Variants in AMBRA1 observed in about 807,000 individuals in gnomAD.
The protein encoded by AMBRA1 is autophagy and beclin 1 regulator 1.
AMBRA1 carries 47 observed loss-of-function variants against 125.4 expected under a neutral mutation model. That is an observed-to-expected ratio of 0.37 (90% CI 0.30 to 0.48). The LOEUF is 0.48. Ranked by LOEUF, AMBRA1 falls within the 20% of genes least tolerant of loss-of-function variation. AMBRA1 has a pLI of 0.99. For synonymous variants in AMBRA1, 626 were observed against 655.5 expected (o/e 0.95, Z 0.69); for missense variants, 1,331 against 1,693.4 (o/e 0.79, Z 3.76).
Position 46,396,734 on chromosome 11 carries a change from G to A in AMBRA1, c.*716C>T, listed in dbSNP as rs946998899. Reference sequence around the variant, plus strand: ...CTGACACCCACAGGCGCTGCTCTGAGGGCCTTGCGGGGAGAAGACTGGTGG... The same window carrying A: ...CTGACACCCACAGGCGCTGCTCTGAAGGCCTTGCGGGGAGAAGACTGGTGG... On this transcript the variant is annotated 3_prime_UTR_variant, in exon 18 of 18. Coordinates refer to ENST00000683756, the MANE Select transcript of AMBRA1 (RefSeq NM_001387011.1). 3 of 152,686 alleles carry A rather than the reference G, an allele frequency of 2.0e-5. No homozygotes were observed. Among genetic ancestry groups the A allele is most frequent in the African/African-American group, 7.2e-5 (3 of 41,442 alleles). 9.5% of individuals were successfully genotyped at this position (152,686 alleles called of 1,614,324 possible). A position where few individuals can be genotyped will look rare whatever the true frequency, so the allele number is the denominator to read the frequency against.
At position 46,543,008 on chromosome 11, in the gene AMBRA1, T is replaced by G; in HGVS notation, c.1009A>C (p.Thr337Pro). Residue 337 changes from threonine (T) to proline (P), a missense_variant, in exon 7 of 18, where the codon ACT (threonine) becomes CCT (proline). By Grantham distance (38) the Thr-to-Pro change is conservative. Coordinates refer to ENST00000683756, the MANE Select transcript of AMBRA1 (RefSeq NM_001387011.1). ...DSVPPASARA[T>P]TPSFSFVQTE... The stretch of plus-strand genomic sequence containing the variant: ...TGTACAAAAGAAAAGGAAGGGGTAG[T>G]AGCTCTGGCAGAAGCAGGGGGGACA... 6.2e-7 allele frequency: 1 copy of G among 1,600,090 alleles called. No homozygotes were observed. Among genetic ancestry groups the G allele is most frequent in the Middle Eastern group, 1.7e-4 (1 of 6,058 alleles).
chr11:46,477,934 GA>G, intron 11 of AMBRA1, among the ~76,000 whole-genome samples: 1 of 151,510 alleles, frequency 6.6e-6, no homozygotes, highest in East Asian at 1.9e-4. Flanking sequence ...AAATTAGCCA[GA>G]GCTAATTTTT....
intron 1 of AMBRA1, among the ~76,000 whole-genome samples, chr11:46,579,709 A>ATGTTT (rs373151442): frequency 2.6e-4 from 40 of 152,032 alleles, no homozygotes; most frequent in African/African-American, 4.3e-4. Flanking sequence ...GGAAACAGAC[A>ATGTTT]TGTTTTGTTT....
chr11:46,549,485 T>C (rs1257188406), intron 1 of AMBRA1, among the ~76,000 whole-genome samples: 4 of 152,220 alleles, frequency 2.6e-5, no homozygotes, highest in Non-Finnish European at 5.9e-5. Context: ...GGTGTTTTTT[T>C]TGTATAATTT....
rs190965656 is a variant in AMBRA1, at chr11:46,399,013, A to G, written c.3404-1070T>C. 7.1e-4 allele frequency among the ~76,000 whole-genome samples: 107 copies of G among 151,746 alleles called. 1 individual carries two copies. In the Middle Eastern group the frequency reaches 0.024, roughly 34 times the overall value. On this transcript the variant is annotated intron_variant, in intron 17 of 17. Transcript: ENST00000683756. Reference sequence around the variant, plus strand: ...GGTTTCGAGCTCCTGACCTCAGGTGATCCACCCTCCTCGGCCTCCCAAAGT... The same window carrying G: ...GGTTTCGAGCTCCTGACCTCAGGTGGTCCACCCTCCTCGGCCTCCCAAAGT...
At chr11:46,558,003 G>C (rs2043209282) in intron 1 of AMBRA1, among the ~76,000 whole-genome samples, 1 of 152,100 alleles carries the variant, frequency 6.6e-6, no homozygotes, top group South Asian at 2.1e-4. Flanking sequence ...TGTGGAGAGA[G>C]AGAAGCCACG....
chr11:46,564,168 A>T (rs2135249049), intron 1 of AMBRA1, among the ~76,000 whole-genome samples: 1 of 150,780 alleles, frequency 6.6e-6, no homozygotes, highest in African/African-American at 2.4e-5. Flanking sequence ...AAAAAAACGT[A>T]AGAGCAATCT....
intron 1 of AMBRA1, among the ~76,000 whole-genome samples, chr11:46,566,537 A>T (rs2043539641): frequency 6.6e-6 from 1 of 152,172 alleles, no homozygotes; most frequent in African/African-American, 2.4e-5. Context: ...CATTTATACA[A>T]CATTCTTAAA....
At chr11:46,569,446 T>TA (rs2043676681) in intron 1 of AMBRA1, among the ~76,000 whole-genome samples, 1 of 141,732 alleles carries the variant, frequency 7.1e-6, no homozygotes, top group Non-Finnish European at 1.5e-5. Flanking sequence ...AAAAAATATA[T>TA]ATATATATAT....
intron 14 of AMBRA1, among the ~76,000 whole-genome samples, chr11:46,432,901 G>A (rs1357052515): frequency 6.6e-6 from 1 of 152,180 alleles, no homozygotes; most frequent in East Asian, 1.9e-4. Context: ...AGGCCAAAAG[G>A]CCACGAACCA....
chr11:46,468,008 T>C (rs1034108694), intron 11 of AMBRA1, among the ~76,000 whole-genome samples: 5 of 152,118 alleles, frequency 3.3e-5, no homozygotes, highest in Non-Finnish European at 5.9e-5. Flanking sequence ...AGGGCTAGAA[T>C]AGTGAGAAGA....
At chr11:46,433,366 T>C (rs1196197889) in intron 14 of AMBRA1, 108 bp downstream of exon 14, 3 of 1,377,084 alleles carry the variant, frequency 2.2e-6, no homozygotes, top group Non-Finnish European at 2.9e-6. Context: ...TCCTTATGAC[T>C]GTGTGATAGC....
chr11:46,464,286 C>T (rs1398762862), intron 11 of AMBRA1, among the ~76,000 whole-genome samples: 2 of 152,186 alleles, frequency 1.3e-5, no homozygotes, highest in African/African-American at 2.4e-5. Flanking sequence ...GCAGGCTTAT[C>T]CCTCTTGGCA....
intron 14 of AMBRA1, among the ~76,000 whole-genome samples, chr11:46,425,462 A>T (rs1190105407): frequency 3.3e-5 from 5 of 152,126 alleles, no homozygotes; most frequent in Admixed American, 2.0e-4. Context: ...TTTGCCTTTC[A>T]CTTTTTAAAC....
intron 1 of AMBRA1, among the ~76,000 whole-genome samples, chr11:46,581,701 G>A (rs999824748): frequency 4.0e-5 from 6 of 150,782 alleles, no homozygotes; most frequent in African/African-American, 1.2e-4. Context: ...TCAGGAGGCT[G>A]AGGCAGGAGA....
intron 1 of AMBRA1, among the ~76,000 whole-genome samples, chr11:46,588,584 T>C (rs1175707681): frequency 6.6e-6 from 1 of 151,640 alleles, no homozygotes. Context: ...GAGACCAGCC[T>C]GACCAACATG....
intron 7 of AMBRA1, among the ~76,000 whole-genome samples, chr11:46,529,894 A>T (rs1230701362): frequency 6.6e-6 from 1 of 152,246 alleles, no homozygotes; most frequent in Non-Finnish European, 1.5e-5. Flanking sequence ...TGCTTCCAAG[A>T]AAGAGCAGAA....
Position 46,533,466 on chromosome 11 carries a change from T to G in AMBRA1, c.2072+8479A>C, listed in dbSNP as rs1952312545. 2.0e-5 allele frequency among the ~76,000 whole-genome samples: 3 copies of G among 152,230 alleles called. No homozygotes were observed. The South Asian group carries it at 6.2e-4, about 32-fold the overall frequency. ...CACAGTTCGATAACACGCCTTCTTG[T>G]TTGGAGGTTGGGGAAGAGTGGAGGG... On this transcript the variant is annotated intron_variant, in intron 7 of 17. Coordinates refer to ENST00000683756, the MANE Select transcript of AMBRA1 (RefSeq NM_001387011.1).
chr11:46,407,194 ACT>A (rs776218048), intron 17 of AMBRA1, among the ~76,000 whole-genome samples: 16 of 151,958 alleles, frequency 1.1e-4, no homozygotes, highest in African/African-American at 3.6e-4. Flanking sequence ...ACAGAGTGAG[ACT>A]CTGTCTCAAA....
Sources: allele counts gnomAD v4.1 joint callset (sites outside exome capture counted in the v4.1 genomes callset), GRCh38; gene constraint gnomAD v4.1.1; transcripts MANE v1.5; gene names NCBI Gene and HGNC (gene_info 2026-07-23, HGNC 2026-07-21).